CUL5: variants seen among roughly 807,000 people sequenced by gnomAD.
CUL5 encodes cullin-5.
A neutral mutation model predicts 108.8 loss-of-function variants in CUL5; 26 were observed. The observed-to-expected ratio is 0.24, with a 90% CI of 0.18 to 0.33. CUL5 has a LOEUF of 0.33. CUL5 is among the 10% of genes least tolerant of loss of function. CUL5 has a pLI of 1.00. For synonymous variants in CUL5, 334 were observed against 298.0 expected, an observed-to-expected ratio of 1.12 and a Z score of -1.25; for missense variants, 524 against 909.2, an observed-to-expected ratio of 0.58 and a Z score of 5.45.
chr11:108,079,632 A>G (rs1864023920), intron 11 of CUL5, among the ~76,000 whole-genome samples: 1 of 152,226 alleles, frequency 6.6e-6, no homozygotes, highest in Admixed American at 6.5e-5. Context: ...TGTCCCATGC[A>G]TAAATCTTAA....
chr11:108,033,093 G>C (rs894899136), intron 1 of CUL5, among the ~76,000 whole-genome samples: 1 of 152,142 alleles, frequency 6.6e-6, no homozygotes, highest in African/African-American at 2.4e-5. Flanking sequence ...TATAGGGAAA[G>C]GATTCAGATA....
chr11:108,069,984 A>G lies in CUL5; in HGVS notation c.781-112A>G, dbSNP rs544021710. ...CCTATAGTTAAGGTAAGTGAAATCT[A>G]CTTTCAGTATAATTTTTTTTTTGTT... On this transcript the variant is annotated intron_variant, in intron 7 of 18. Transcript: ENST00000393094. 3.7e-4 allele frequency: 222 copies of G among 602,634 alleles called. 2 individuals are homozygous for G. In the South Asian group the frequency reaches 6.0e-3, roughly 16 times the overall value. 37.3% of individuals were successfully genotyped at this position (602,634 alleles called of 1,614,324 possible).
At chr11:108,094,675 C>G (rs1591333005) in intron 14 of CUL5, 137 bp from the exon 15 acceptor site, 1 of 837,128 alleles carries the variant, frequency 1.2e-6, no homozygotes, top group Non-Finnish European at 1.8e-6. Flanking sequence ...ATTTACAGAT[C>G]TTTATTTCAA....
intron 5 of CUL5, among the ~76,000 whole-genome samples, chr11:108,053,744 A>G (rs939597818): frequency 2.7e-5 from 4 of 147,548 alleles, no homozygotes; most frequent in African/African-American, 1.0e-4. Context: ...CAGTGGCGTG[A>G]TCATGGCTCA....
chr11:108,062,810 A>G (rs532008140), intron 7 of CUL5, among the ~76,000 whole-genome samples: 4 of 152,214 alleles, frequency 2.6e-5, no homozygotes, highest in Admixed American at 2.6e-4. Context: ...ATGTTATCAA[A>G]TACTATGTTT....
chr11:108,062,849 G>A (rs920578769), intron 7 of CUL5, among the ~76,000 whole-genome samples: 2 of 151,928 alleles, frequency 1.3e-5, no homozygotes, highest in African/African-American at 4.8e-5. Context: ...TTTTGTTTTT[G>A]TTTTGTTTTG....
chr11:108,089,248 A>G (rs1476330159), intron 12 of CUL5, among the ~76,000 whole-genome samples: 1 of 152,130 alleles, frequency 6.6e-6, no homozygotes, highest in Non-Finnish European at 1.5e-5. Context: ...GTTGCATTTT[A>G]TACAAAATCT....
chr11:108,009,217 T>C lies in CUL5; in HGVS notation c.-132T>C. On this transcript the variant is annotated 5_prime_UTR_variant, in exon 1 of 19. Transcript: ENST00000393094. ...GAGGTCAGCGCTGTCGGCGCGCTGC[T>C]CCAGCGCCCACCACACCCTGGTGCG... 6 of 906,848 alleles carry C rather than the reference T, an allele frequency of 6.6e-6. No homozygotes were observed. The highest frequency in any genetic ancestry group is 8.7e-6 in the Non-Finnish European group (5 of 577,500). 56.2% of individuals were successfully genotyped at this position (906,848 alleles called of 1,614,324 possible). A position where few individuals can be genotyped will look rare whatever the true frequency, so the allele number is the denominator to read the frequency against.
intron 13 of CUL5, among the ~76,000 whole-genome samples, chr11:108,089,867 G>A (rs1038352332): frequency 4.6e-5 from 7 of 151,614 alleles, no homozygotes; most frequent in African/African-American, 1.7e-4. Flanking sequence ...TGGCAAAACC[G>A]CGTCTCTACT....
rs61163942 is a variant in CUL5 at position 108,014,960 on chromosome 11, A to G, written c.24+5588A>G. Reference sequence around the variant, plus strand: ...CTTGCCCAGGCTGGAGTGCAGTGGCACGATCTTGGCTCACTGCAACCTCCA... The same window carrying G: ...CTTGCCCAGGCTGGAGTGCAGTGGCGCGATCTTGGCTCACTGCAACCTCCA... On this transcript the variant is annotated intron_variant, in intron 1 of 18. Transcript: ENST00000393094. Among the ~76,000 whole-genome samples the G allele has an allele frequency of 5.1e-3, 782 of 152,190 alleles. 7 individuals are homozygous for G. The highest frequency in any genetic ancestry group is 0.017 in the African/African-American group (706 of 41,520).
intron 17 of CUL5, among the ~76,000 whole-genome samples, 168 bp downstream of exon 17, chr11:108,097,922 C>T (rs570395847): frequency 6.6e-6 from 1 of 152,178 alleles, no homozygotes; most frequent in South Asian, 2.1e-4. Context: ...CAGATGTTTA[C>T]TTTTCTATAT....
intron 1 of CUL5, among the ~76,000 whole-genome samples, chr11:108,020,219 TAATA>T (rs921122371): frequency 2.9e-4 from 44 of 152,326 alleles, no homozygotes; most frequent in African/African-American, 9.4e-4. Flanking sequence ...GTGTACCCTC[TAATA>T]AATTTAAAAG....
chr11:108,089,088 A>G (rs1352339917), intron 12 of CUL5, among the ~76,000 whole-genome samples: 2 of 152,156 alleles, frequency 1.3e-5, no homozygotes, highest in Non-Finnish European at 2.9e-5. Context: ...ATGTAAGCCC[A>G]GGAATACAAA....
chr11:108,048,941 A>G (rs1325308547), intron 3 of CUL5, among the ~76,000 whole-genome samples: 3 of 151,636 alleles, frequency 2.0e-5, no homozygotes, highest in Non-Finnish European at 4.4e-5. Flanking sequence ...CTGGGATTAC[A>G]GGCATGAGCC....
In CUL5 at chr11:108,016,333, C is replaced by T. The variant is rs199749961; in HGVS notation, c.24+6961C>T. Among the ~76,000 whole-genome samples the T allele has an allele frequency of 1.6e-4, 24 of 152,254 alleles. No homozygotes were observed. In the East Asian group the frequency reaches 4.4e-3, roughly 28 times the overall value. On this transcript the variant is annotated intron_variant, in intron 1 of 18. Transcript: ENST00000393094. ...CCAGTCTGGAGTACAGTGGCGCAGTCACAGCTCCCTACAGCCTTGACCTCC... is the reference window on the plus strand; with the variant it reads ...CCAGTCTGGAGTACAGTGGCGCAGTTACAGCTCCCTACAGCCTTGACCTCC...
At position 108,009,411 on chromosome 11, in the gene CUL5, C is replaced by A. The variant is rs200385430; in HGVS notation, c.24+39C>A. ...TCCAGCTTGGGTTTTACTGTGTGGC[C>A]GCCGGGTTCGGCTCTTTGGGAAAGG... is the stretch of plus-strand genomic sequence containing the variant. On this transcript the variant is annotated intron_variant, in intron 1 of 18. Coordinates refer to ENST00000393094, the MANE Select transcript of CUL5 (RefSeq NM_003478.6). 576 of 1,610,652 alleles carry A rather than the reference C, an allele frequency of 3.6e-4. 1 individual carries two copies. Among genetic ancestry groups the A allele is most frequent in the Non-Finnish European group, 2.3e-4 (274 of 1,177,626 alleles).
chr11:108,094,445 A>G lies in CUL5; in HGVS notation c.1498A>G (p.Ile500Val), dbSNP rs1204120993. Residue 500 changes from isoleucine to valine, a missense_variant, in exon 14 of 19, where the codon ATA becomes GTA. Transcript: ENST00000393094. ...CAAGCTTGCTAGAATGTTTCAGGAC[A>G]TAAAAGTATCTGAAGATTTGAACCA... Reference protein sequence around the residue: ...VNKLARMFQDIKVSEDLNQAF... With the variant: ...VNKLARMFQDVKVSEDLNQAF... 4 of 1,577,732 alleles carry G rather than the reference A, an allele frequency of 2.5e-6. No individual in the cohort carries two copies. The African/African-American group carries it at 4.1e-5, about 16-fold the overall frequency.
chr11:108,088,879 C>CT (rs1169266442), intron 12 of CUL5, among the ~76,000 whole-genome samples: 3 of 151,846 alleles, frequency 2.0e-5, no homozygotes, highest in Non-Finnish European at 4.4e-5. Context: ...AATTCCTCTC[C>CT]TTTCTTGGTT....
chr11:108,073,794 A>G (rs912408454), intron 10 of CUL5: 1 of 169,594 alleles, frequency 5.9e-6, no homozygotes, highest in Non-Finnish European at 1.3e-5. Context: ...TCATCCTTCC[A>G]TTAAGACCCA....
Sources: gnomAD v4.1 joint callset for allele counts (sites outside exome capture counted in the v4.1 genomes callset) on GRCh38, gnomAD v4.1.1 for gene constraint, MANE v1.5 for transcripts, NCBI Gene and HGNC (gene_info 2026-07-23, HGNC 2026-07-21) for gene names.